The following LPIN2 variants were observed in gnomAD, a reference collection of about 807,000 sequenced individuals.
LPIN2 encodes phosphatidate phosphatase LPIN2.
A neutral mutation model predicts 111.4 loss-of-function variants in LPIN2; 55 were observed. The ratio of observed to expected loss-of-function variants is 0.49; its 90% CI spans 0.40 to 0.62. The LOEUF is 0.62. LPIN2 is among the 20% of genes least tolerant of loss of function. The pLI, the probability that LPIN2 is intolerant of heterozygous loss-of-function variation, is 0.00. For synonymous variants in LPIN2, 425 were observed against 414.0 expected (o/e 1.03, Z -0.32); for missense variants, 992 against 1,112.1 (o/e 0.89, Z 1.54).
At chr18:3,012,652 G>A (rs1363844077) in intron 1 of LPIN2, among the ~76,000 whole-genome samples, 1 of 152,184 alleles carries the variant, frequency 6.6e-6, no homozygotes, top group Admixed American at 6.5e-5. Context: ...GCAGGGCCGG[G>A]GGCGGGATGG....
chr18:2,957,063 C>T (rs1433978456), intron 2 of LPIN2, among the ~76,000 whole-genome samples: 2 of 152,100 alleles, frequency 1.3e-5, no homozygotes, highest in Non-Finnish European at 1.5e-5. Context: ...TAAAAATAAC[C>T]CCTCATTTCC....
Position 2,921,642 on chromosome 18 carries a change from A to G in LPIN2, c.2333T>C (p.Val778Ala). 1 of 1,591,900 alleles carries G rather than the reference A, an allele frequency of 6.3e-7. No homozygotes were observed. The highest frequency in any genetic ancestry group is 8.6e-7 in the Non-Finnish European group (1 of 1,159,828). ...SSLFSAFHREVIEKKPEKFKI... is the reference protein window; with the variant it reads ...SSLFSAFHREAIEKKPEKFKI... ...GAACTTCTCTGGTTTCTTTTCTATC[A>G]CTTCTCTAAGAAAAAAATACAAATA... Residue 778 changes from valine to alanine, a missense_variant, in exon 18 of 20, where the codon GTG becomes GCG. Transcript: ENST00000677752.
chr18:3,009,182 G>A (rs186924049), intron 1 of LPIN2, among the ~76,000 whole-genome samples: 46 of 150,368 alleles, frequency 3.1e-4, no homozygotes, highest in African/African-American at 1.1e-3. Flanking sequence ...GGAGGATCAC[G>A]AGGTCAGGAG....
In LPIN2 at chr18:2,918,680, A is replaced by G. The variant is rs1598514398; in HGVS notation, c.*1613T>C. 6.6e-6 allele frequency: 1 copy of G among 152,218 alleles called. No homozygotes were observed. Among genetic ancestry groups the G allele is most frequent in the East Asian group, 1.9e-4 (1 of 5,198 alleles). 9.4% of individuals were successfully genotyped at this position (152,218 alleles called of 1,614,324 possible). A position where few individuals can be genotyped will look rare whatever the true frequency, so the allele number is the denominator to read the frequency against. ...GGTTTTGCCACTGAGAACTGTGTTTAGGGGATTTCAACATTGTCTCTGCAT... is the reference window on the plus strand; with the variant it reads ...GGTTTTGCCACTGAGAACTGTGTTTGGGGGATTTCAACATTGTCTCTGCAT... On this transcript the variant is annotated 3_prime_UTR_variant, in exon 20 of 20. Coordinates refer to ENST00000677752, the MANE Select transcript of LPIN2 (RefSeq NM_001375808.2).
At chr18:3,007,016 C>T (rs999832109) in intron 1 of LPIN2, among the ~76,000 whole-genome samples, 1 of 135,384 alleles carries the variant, frequency 7.4e-6, no homozygotes, top group Non-Finnish European at 1.5e-5. Flanking sequence ...AAAAAAAAAA[C>T]AGCATTTGTT....
chr18:2,939,444 T>C, intron 6 of LPIN2, 36 bp downstream of exon 6: 6 of 1,611,884 alleles, frequency 3.7e-6, no homozygotes, highest in East Asian at 2.2e-5. Context: ...TGTTTAATCA[T>C]TAACACACTT....
Position 2,922,214 on chromosome 18 carries a change from A to C in LPIN2, c.2175-15T>G. ...TGTAGCCATTCCTGAAAGAAAACAC[A>C]CCCTGTTAGCCCACATGTTCTGGCT... On this transcript the variant is annotated splice_polypyrimidine_tract_variant and intron_variant, in intron 16 of 19. Transcript: ENST00000677752. 6.2e-7 allele frequency: 1 copy of C among 1,613,228 alleles called. No homozygotes were observed. The highest frequency in any genetic ancestry group is 8.5e-7 in the Non-Finnish European group (1 of 1,179,668).
chr18:2,981,388 T>C (rs2143371274), intron 1 of LPIN2, among the ~76,000 whole-genome samples: 1 of 152,306 alleles, frequency 6.6e-6, no homozygotes, highest in African/African-American at 2.4e-5. Context: ...TCATTAGACT[T>C]CAATGTTCTA....
rs1311905186 is a variant in LPIN2 at position 2,922,197 on chromosome 18, T to C, written c.2177A>G (p.Asn726Ser). Reference sequence around the variant, plus strand: ...CGAGCAGTACAGAAACTTGTAGCCATTCCTGAAAGAAAACACACCCTGTTA... The same window carrying C: ...CGAGCAGTACAGAAACTTGTAGCCACTCCTGAAAGAAAACACACCCTGTTA... ...IAKLYHSINENGYKFLYCSAR... is the reference protein window; with the variant it reads ...IAKLYHSINESGYKFLYCSAR... The change falls in exon 17 of 20, where the codon AAT becomes AGT. Residue 726 changes from asparagine (N) to serine (S), a missense_variant and splice_region_variant. Asn to Ser is a conservative substitution (Grantham distance 46). This residue lies in a region of LPIN2 where 31 missense variants were observed against 60.3 expected (regional missense o/e 0.51). Transcript: ENST00000677752. 6.2e-7 allele frequency: 1 copy of C among 1,613,980 alleles called. No individual in the cohort carries two copies. Among genetic ancestry groups the C allele is most frequent in the Non-Finnish European group, 8.5e-7 (1 of 1,179,960 alleles).
At chr18:2,946,082 C>T in intron 4 of LPIN2, 3 of 1,519,634 alleles carry the variant, frequency 2.0e-6, no homozygotes, top group Non-Finnish European at 2.7e-6. Flanking sequence ...CATGAGGTCC[C>T]AATCTTAATT....
chr18:2,924,060 C>T (rs1598522009), intron 15 of LPIN2, among the ~76,000 whole-genome samples, 199 bp from the exon 16 acceptor site: 1 of 152,216 alleles, frequency 6.6e-6, no homozygotes, highest in African/African-American at 2.4e-5. Flanking sequence ...CGGAGTCTCA[C>T]GAGCGCCAGA....
intron 2 of LPIN2, among the ~76,000 whole-genome samples, chr18:2,959,877 T>A (rs1477977539): frequency 2.0e-5 from 3 of 151,052 alleles, no homozygotes; most frequent in African/African-American, 7.3e-5. Context: ...AAAAAAAAAA[T>A]ATGGCCAGGT....
Position 2,923,863 on chromosome 18 carries a change from TAAG to T in LPIN2, c.2088-5_2088-3del, listed in dbSNP as rs756116162. ...AGAATCTGTCCCAAAGCATCCGACC[TAAG>T]AAGACGGTAGAAACAGGAAAAGCTA... On this transcript the variant is annotated splice_polypyrimidine_tract_variant and splice_region_variant and intron_variant, in intron 15 of 19. Transcript: ENST00000677752. 3 of 1,613,442 alleles carry T rather than the reference TAAG, an allele frequency of 1.9e-6. No homozygotes were observed. Among genetic ancestry groups the T allele is most frequent in the East Asian group, 2.2e-5 (1 of 44,884 alleles).
chr18:2,964,150 G>T (rs1403475488), intron 1 of LPIN2, among the ~76,000 whole-genome samples: 2 of 151,498 alleles, frequency 1.3e-5, no homozygotes, highest in African/African-American at 4.9e-5. Context: ...GGGCGTGATG[G>T]CGTGCGCCTG....
Position 2,924,641 on chromosome 18 carries a change from A to G in LPIN2, c.1939-95T>C, listed in dbSNP as rs1029770119. 79 of 1,326,486 alleles carry G rather than the reference A, an allele frequency of 6.0e-5. No homozygotes were observed. In the Admixed American group the frequency reaches 6.6e-4, roughly 11 times the overall value. 82.2% of individuals were successfully genotyped at this position (1,326,486 alleles called of 1,614,324 possible). A position where few individuals can be genotyped will look rare whatever the true frequency, so the allele number is the denominator to read the frequency against. ...GAACAACTGGTGTCTCGGAATCCCA[A>G]CAAGAGGCAGGATGGTTTCCGGGGT... On this transcript the variant is annotated intron_variant, in intron 14 of 19. Coordinates refer to ENST00000677752, the MANE Select transcript of LPIN2 (RefSeq NM_001375808.2).
At chr18:2,992,710 G>A (rs1266136569) in intron 1 of LPIN2, among the ~76,000 whole-genome samples, 2 of 151,968 alleles carry the variant, frequency 1.3e-5, no homozygotes, top group Non-Finnish European at 2.9e-5. Flanking sequence ...TAGGCCGGGT[G>A]CGGTGGCTCA....
intron 3 of LPIN2, 86 bp from the exon 4 acceptor site, chr18:2,951,442 A>C: frequency 7.2e-6 from 8 of 1,104,188 alleles, no homozygotes; most frequent in South Asian, 2.9e-5. Flanking sequence ...ATAAATTTTC[A>C]CCATGGTAAA....
At chr18:3,012,495 TGGG>T (rs11338269) in intron 1 of LPIN2, among the ~76,000 whole-genome samples, 1 of 151,978 alleles carries the variant, frequency 6.6e-6, no homozygotes, top group East Asian at 1.9e-4. Flanking sequence ...CACCGGGGGC[TGGG>T]GGGCTTTGAG....
At chr18:2,944,333 CTTTTTTTTTTTTTTTTTTT>C (rs768515839) in intron 4 of LPIN2, among the ~76,000 whole-genome samples, 168 of 51,356 alleles carry the variant, frequency 3.3e-3, no homozygotes, top group Admixed American at 9.3e-3. Context: ...TTTCCACAAA[CTTTTTTTTTTTTTTTTTTT>C]TTTTTTTTTT....
Sources: gnomAD v4.1 joint callset for allele counts (sites outside exome capture counted in the v4.1 genomes callset) on GRCh38, gnomAD v4.1.1 for gene constraint, gnomAD v4.1.1 regional missense constraint, MANE v1.5 for transcripts, NCBI Gene and HGNC (gene_info 2026-07-23, HGNC 2026-07-21) for gene names.